The following USH2A variants were observed in gnomAD, a reference collection of about 807,000 sequenced individuals.
USH2A encodes the protein Usher syndrome 2A (autosomal recessive, mild).
USH2A carries 443 observed loss-of-function variants against 538.9 expected under a neutral mutation model. The ratio of observed to expected loss-of-function variants is 0.82; its 90% CI spans 0.76 to 0.89. The LOEUF (loss-of-function observed/expected upper bound fraction) is 0.89, where lower values mean the gene tolerates loss of function less well. USH2A is among the 40% of genes least tolerant of loss of function. The probability of loss-of-function intolerance (pLI) is 0.00; values close to 1 mark genes in which losing one functional copy is unlikely to be tolerated. For synonymous variants in USH2A, 2,413 were observed against 2,273.5 expected (o/e 1.06, Z -1.75); for missense variants, 6,633 against 6,324.8 (o/e 1.05, Z -1.65).
At chr1:216,213,948 A>G (rs2035294962) in intron 15 of USH2A, among the ~76,000 whole-genome samples, 1 of 152,076 alleles carries the variant, frequency 6.6e-6, no homozygotes, top group South Asian at 2.1e-4. Flanking sequence ...ACACATGAAA[A>G]GTTGTTCAAC....
intron 10 of USH2A, among the ~76,000 whole-genome samples, chr1:216,289,918 A>G (rs143788408): frequency 9.7e-4 from 147 of 152,274 alleles, no homozygotes; most frequent in African/African-American, 3.4e-3. Flanking sequence ...TGATTATGTT[A>G]GTGGCCATTA....
At chr1:216,364,530 C>T (rs1294848764) in intron 4 of USH2A, among the ~76,000 whole-genome samples, 1 of 152,130 alleles carries the variant, frequency 6.6e-6, no homozygotes. Context: ...AGGGTGAGAT[C>T]CTCCTGACTG....
At chr1:216,348,374 C>A (rs1452430277) in intron 4 of USH2A, among the ~76,000 whole-genome samples, 3 of 152,040 alleles carry the variant, frequency 2.0e-5, no homozygotes, top group Non-Finnish European at 4.4e-5. Context: ...TCTTTGTTTA[C>A]ACATGCCCTG....
chr1:215,736,618 G>A (rs1245097873), intron 60 of USH2A, among the ~76,000 whole-genome samples: 1 of 151,906 alleles, frequency 6.6e-6, no homozygotes, highest in Admixed American at 6.6e-5. Flanking sequence ...TCATGAAAGG[G>A]AGATTTTCTT....
rs74785916 is a variant in USH2A at position 216,058,994 on chromosome 1, G to A, written c.6050-10347C>T. On this transcript the variant is annotated intron_variant, in intron 30 of 71. Transcript: ENST00000307340. ...GCATGGGTGCACAGAGAGTACCATA[G>A]GCAGTTTTAGCAACTATGGAGTAAG... Among the ~76,000 whole-genome samples the A allele has an allele frequency of 1.8e-3, 270 of 152,188 alleles. 8 individuals carry two copies. In the East Asian group the frequency reaches 0.048, roughly 27 times the overall value.
intron 44 of USH2A, 30 bp downstream of exon 44, chr1:215,866,977 T>G: frequency 6.2e-7 from 1 of 1,613,984 alleles, no homozygotes; most frequent in Non-Finnish European, 8.5e-7. Context: ...ATACACAAAG[T>G]GTTAACACAG....
chr1:216,161,500 T>C (rs2034058718), intron 21 of USH2A, among the ~76,000 whole-genome samples: 1 of 152,088 alleles, frequency 6.6e-6, no homozygotes, highest in Non-Finnish European at 1.5e-5. Context: ...TGTGACAAAA[T>C]AATTGATGTC....
intron 21 of USH2A, among the ~76,000 whole-genome samples, chr1:216,122,171 G>A (rs908712583): frequency 6.6e-6 from 1 of 152,158 alleles, no homozygotes; most frequent in Non-Finnish European, 1.5e-5. Flanking sequence ...GTTATGAAAG[G>A]TAGATTTGGA....
chr1:215,890,758 G>A lies in USH2A; in HGVS notation c.7595-1704C>T, dbSNP rs570038037. ...CTTTCTTATTTATGCTTGTCATCTA[G>A]ATTTGGCTATTTCCCAGAGAAAAGC... is the stretch of plus-strand genomic sequence containing the variant. On this transcript the variant is annotated intron_variant, in intron 40 of 71. Coordinates refer to ENST00000307340, the MANE Select transcript of USH2A (RefSeq NM_206933.4). 1.0e-3 allele frequency among the ~76,000 whole-genome samples: 158 copies of A among 152,172 alleles called. 1 individual carries two copies. The highest frequency in any genetic ancestry group is 6.4e-3 in the South Asian group (31 of 4,828).
chr1:215,858,395 G>T (rs192394587), intron 44 of USH2A, among the ~76,000 whole-genome samples: 3 of 151,256 alleles, frequency 2.0e-5, no homozygotes, highest in Middle Eastern at 3.4e-3. Context: ...TTACGGGGGT[G>T]GTTTCCCCCA....
Position 216,246,877 on chromosome 1 carries a change from A to G in USH2A, c.2517T>C (p.Asn839=). 1.2e-6 allele frequency: 2 copies of G among 1,614,084 alleles called. No individual in the cohort carries two copies. Among genetic ancestry groups the G allele is most frequent in the East Asian group, 4.5e-5 (2 of 44,864 alleles). Residue 839 remains asparagine, a synonymous_variant, in exon 13 of 72, where the codon AAT becomes AAC. Transcript: ENST00000307340. Reference sequence around the variant, plus strand: ...TGCAAGGCAGACAGAGGAAAGAATTATTTTGCCGTAGGTAGAAGTTTCCCT... The same window carrying G: ...TGCAAGGCAGACAGAGGAAAGAATTGTTTTGCCGTAGGTAGAAGTTTCCCT... The part of the protein sequence containing the change: ...CLEGNFYLRQ[N]NSFLCLPCNC...
chr1:215,873,083 A>G (rs1664664473), intron 43 of USH2A, among the ~76,000 whole-genome samples: 1 of 152,130 alleles, frequency 6.6e-6, no homozygotes, highest in Non-Finnish European at 1.5e-5. Context: ...AACACATAAT[A>G]TGATGACACA....
At position 215,695,504 on chromosome 1, in the gene USH2A, G is replaced by T. The variant is rs775350385; in HGVS notation, c.12067-15128C>A. Among the ~76,000 whole-genome samples the T allele has an allele frequency of 1.3e-5, 2 of 152,094 alleles. 1 individual carries two copies. The highest frequency in any genetic ancestry group is 4.2e-4 in the South Asian group (2 of 4,814). Reference sequence around the variant, plus strand: ...ATTTCCCAATAAAAAAAAACAACCAGATTCTAAAACTTACAACTTACAGGA... The same window carrying T: ...ATTTCCCAATAAAAAAAAACAACCATATTCTAAAACTTACAACTTACAGGA... On this transcript the variant is annotated intron_variant, in intron 61 of 71. Coordinates refer to ENST00000307340, the MANE Select transcript of USH2A (RefSeq NM_206933.4).
chr1:216,364,427 G>C (rs1189279519), intron 4 of USH2A, among the ~76,000 whole-genome samples: 2 of 152,226 alleles, frequency 1.3e-5, no homozygotes, highest in African/African-American at 4.8e-5. Context: ...TTATATAGTA[G>C]ATCCCAAAAG....
At chr1:215,716,418 G>T (rs1410854833) in intron 61 of USH2A, among the ~76,000 whole-genome samples, 1 of 152,172 alleles carries the variant, frequency 6.6e-6, no homozygotes, top group Non-Finnish European at 1.5e-5. Context: ...CTGAATCTCA[G>T]CTCAGCAAGA....
chr1:215,911,199 TACAA>T (rs1225498873), intron 38 of USH2A, among the ~76,000 whole-genome samples: 1 of 152,024 alleles, frequency 6.6e-6, no homozygotes, highest in African/African-American at 2.4e-5. Flanking sequence ...TCCTTTGAGT[TACAA>T]ACAATCTAAT....
At chr1:215,905,807 A>T (rs1278610919) in intron 38 of USH2A, among the ~76,000 whole-genome samples, 2 of 152,050 alleles carry the variant, frequency 1.3e-5, no homozygotes, top group East Asian at 3.9e-4. Context: ...AGCCTACCCC[A>T]AATTATCCCC....
At chr1:215,683,709 T>G (rs1287499250) in intron 61 of USH2A, among the ~76,000 whole-genome samples, 1 of 152,170 alleles carries the variant, frequency 6.6e-6, no homozygotes, top group African/African-American at 2.4e-5. Flanking sequence ...CTTCCGTTTC[T>G]TCCTTTCTCT....
At chr1:216,124,850 G>A (rs1339172352) in intron 21 of USH2A, among the ~76,000 whole-genome samples, 1 of 152,136 alleles carries the variant, frequency 6.6e-6, no homozygotes, top group Non-Finnish European at 1.5e-5. Context: ...GTGTAAAGAA[G>A]GGTTTTTCAT....
Sources: gnomAD v4.1 joint callset for allele counts (sites outside exome capture counted in the v4.1 genomes callset) on GRCh38, gnomAD v4.1.1 for gene constraint, MANE v1.5 for transcripts, NCBI Gene and HGNC (gene_info 2026-07-23, HGNC 2026-07-21) for gene names.